Variants in CPT1A observed in about 807,000 individuals in gnomAD.
CPT1A encodes carnitine palmitoyltransferase 1A, also known as carnitine O-palmitoyltransferase 1, liver isoform.
Under a neutral mutation model 100.8 loss-of-function variants are expected in CPT1A, and 64 were observed. The ratio of observed to expected loss-of-function variants is 0.63; its 90% CI spans 0.52 to 0.78. The LOEUF (loss-of-function observed/expected upper bound fraction) is 0.78, where lower values mean the gene tolerates loss of function less well. Ranked by LOEUF, CPT1A falls within the 30% of genes least tolerant of loss-of-function variation. The pLI, the probability that CPT1A is intolerant of heterozygous loss-of-function variation, is 0.00. For missense variants in CPT1A, 802 were observed against 1,034.1 expected (o/e 0.78, Z 3.08); for synonymous variants, 363 against 396.0 (o/e 0.92, Z 0.99).
At chr11:68,766,485 T>C (rs1389622953) in intron 14 of CPT1A, among the ~76,000 whole-genome samples, 2 of 152,152 alleles carry the variant, frequency 1.3e-5, no homozygotes, top group South Asian at 2.1e-4. Context: ...GTCATTTTTA[T>C]TTTATTTTTT....
chr11:68,813,893 G>A (rs551454613), intron 2 of CPT1A, among the ~76,000 whole-genome samples: 3 of 152,240 alleles, frequency 2.0e-5, no homozygotes, highest in Admixed American at 1.3e-4. Flanking sequence ...CTGGGCCCAA[G>A]AACCCACAGG....
At chr11:68,776,924 G>T (rs1418875560) in intron 12 of CPT1A, among the ~76,000 whole-genome samples, 2 of 152,190 alleles carry the variant, frequency 1.3e-5, no homozygotes, top group Non-Finnish European at 2.9e-5. Context: ...CTGTGCTCAG[G>T]AAGCTTACAT....
chr11:68,784,545 G>A (rs890420348), intron 10 of CPT1A, among the ~76,000 whole-genome samples: 24 of 151,878 alleles, frequency 1.6e-4, no homozygotes, highest in Non-Finnish European at 1.5e-5. Flanking sequence ...AAAAAAAAAA[G>A]CCTAATTCTA....
intron 18 of CPT1A, among the ~76,000 whole-genome samples, chr11:68,758,449 C>T (rs560070585): frequency 4.0e-4 from 61 of 152,166 alleles, no homozygotes; most frequent in African/African-American, 1.4e-3. Flanking sequence ...CAGAGGAAGC[C>T]GGGGGTCCCC....
intron 1 of CPT1A, among the ~76,000 whole-genome samples, chr11:68,817,872 G>C (rs1461270224): frequency 6.6e-6 from 1 of 151,902 alleles, no homozygotes; most frequent in Non-Finnish European, 1.5e-5. Flanking sequence ...CAAGGGTAGG[G>C]TGTCTGGGGT....
chr11:68,837,182 T>C (rs2154003009), intron 1 of CPT1A, among the ~76,000 whole-genome samples: 1 of 152,306 alleles, frequency 6.6e-6, no homozygotes, highest in South Asian at 2.1e-4. Flanking sequence ...CCCGAGTAGC[T>C]GGGATTACAG....
At chr11:68,836,888 TAAAG>T in intron 1 of CPT1A, among the ~76,000 whole-genome samples, 1 of 150,180 alleles carries the variant, frequency 6.7e-6, no homozygotes, top group East Asian at 2.0e-4. Context: ...ATGAAGGAAA[TAAAG>T]AAAAAGGAAA....
chr11:68,804,756 C>T (rs1022415897), intron 4 of CPT1A, among the ~76,000 whole-genome samples: 4 of 152,208 alleles, frequency 2.6e-5, no homozygotes, highest in African/African-American at 9.7e-5. Flanking sequence ...CCCTTAGTTT[C>T]GGGATGGGCT....
intron 14 of CPT1A, among the ~76,000 whole-genome samples, chr11:68,771,911 T>A (rs919024504): frequency 7.2e-5 from 11 of 152,182 alleles, no homozygotes; most frequent in Admixed American, 5.2e-4. Flanking sequence ...TGTAAATTTT[T>A]AAAAATGGGA....
At position 68,785,007 on chromosome 11, in the gene CPT1A, G is replaced by A; in HGVS notation, c.971C>T (p.Thr324Ile). The change falls in exon 10 of 19, where the codon ACC becomes ATC. Residue 324 changes from threonine to isoleucine, a missense_variant. By Grantham distance (89) the Thr-to-Ile change is moderately conservative. Around this residue, in one of 4 missense-constraint regions of CPT1A, gnomAD observed 627 missense variants for 799.3 expected, o/e 0.78. Coordinates refer to ENST00000265641, the MANE Select transcript of CPT1A (RefSeq NM_001876.4). Reference sequence around the variant, plus strand: ...CTTGCTGTCTCTCATGTGCTGGATGGTGTCTGAGCCGGCCGCAGGTTGGAG... The same window carrying A: ...CTTGCTGTCTCTCATGTGCTGGATGATGTCTGAGCCGGCCGCAGGTTGGAG... Reference protein sequence around the residue: ...TSRIPGEETDTIQHMRDSKHI... With the variant: ...TSRIPGEETDIIQHMRDSKHI... 1 of 1,613,642 alleles carries A rather than the reference G, an allele frequency of 6.2e-7. No individual in the cohort carries two copies. The highest frequency in any genetic ancestry group is 1.6e-4 in the Middle Eastern group (1 of 6,062).
At chr11:68,760,091 T>C (rs2153994764) in intron 17 of CPT1A, 134 bp downstream of exon 17, 1 of 699,512 alleles carries the variant, frequency 1.4e-6, no homozygotes, top group East Asian at 2.7e-5. Context: ...ATAGCAATGA[T>C]CAGCAGTAAT....
intron 1 of CPT1A, among the ~76,000 whole-genome samples, chr11:68,819,371 C>T (rs1262504795): frequency 6.6e-6 from 1 of 152,158 alleles, no homozygotes; most frequent in African/African-American, 2.4e-5. Flanking sequence ...TGAGCCACCA[C>T]GCCCCGCCTC....
intron 4 of CPT1A, among the ~76,000 whole-genome samples, chr11:68,806,599 G>A (rs2154000747): frequency 6.7e-6 from 1 of 148,478 alleles, no homozygotes; most frequent in Middle Eastern, 3.5e-3. Flanking sequence ...CTATACTCCA[G>A]CCTGGGCAAT....
At chr11:68,819,160 C>T (rs571187812) in intron 1 of CPT1A, among the ~76,000 whole-genome samples, 29 of 152,290 alleles carry the variant, frequency 1.9e-4, no homozygotes, top group African/African-American at 6.5e-4. Flanking sequence ...CTCACTGCAA[C>T]TTCCACCTCC....
At chr11:68,837,963 C>G (rs1408045077) in intron 1 of CPT1A, among the ~76,000 whole-genome samples, 1 of 152,108 alleles carries the variant, frequency 6.6e-6, no homozygotes, top group African/African-American at 2.4e-5. Flanking sequence ...GCACTTAGCC[C>G]CGGCTGCATG....
intron 7 of CPT1A, among the ~76,000 whole-genome samples, chr11:68,795,951 C>A (rs780815744): frequency 6.8e-6 from 1 of 147,784 alleles, no homozygotes; most frequent in Non-Finnish European, 1.5e-5. Context: ...AAAAAATAAA[C>A]GAGGGAAAAA....
chr11:68,760,551 TG>T (rs1298002448), intron 16 of CPT1A, among the ~76,000 whole-genome samples: 1 of 129,962 alleles, frequency 7.7e-6, no homozygotes, highest in Non-Finnish European at 1.7e-5. Flanking sequence ...GAGTGCAGGG[TG>T]GGGGTGGGGG....
At chr11:68,811,118 A>G (rs1365533751) in intron 3 of CPT1A, among the ~76,000 whole-genome samples, 1 of 152,196 alleles carries the variant, frequency 6.6e-6, no homozygotes, top group Non-Finnish European at 1.5e-5. Context: ...GCGTGACTAT[A>G]AAGATCCAGA....
chr11:68,773,220 AC>A, intron 14 of CPT1A, 44 bp downstream of exon 14: 6 of 1,610,982 alleles, frequency 3.7e-6, no homozygotes, highest in Non-Finnish European at 5.1e-6. Context: ...AGGTGTAGGA[AC>A]CCCCAAAGTG....
Sources: allele counts gnomAD v4.1 joint callset (sites outside exome capture counted in the v4.1 genomes callset), GRCh38; gene constraint gnomAD v4.1.1; regional missense constraint gnomAD v4.1.1; transcripts MANE v1.5; gene names NCBI Gene and HGNC (gene_info 2026-07-23, HGNC 2026-07-21).